Variants in SFTPB observed in about 807,000 individuals in gnomAD.
SFTPB encodes surfactant protein B.
A neutral mutation model predicts 51.0 loss-of-function variants in SFTPB; 32 were observed. The observed-to-expected ratio is 0.63, with a 90% CI of 0.47 to 0.84. SFTPB has a LOEUF of 0.84. SFTPB is among the 40% of genes least tolerant of loss of function. SFTPB has a pLI of 0.00. For synonymous variants in SFTPB, 211 were observed against 208.5 expected (o/e 1.01, Z -0.10); for missense variants, 431 against 491.2 (o/e 0.88, Z 1.16).
In SFTPB at chr2:85,663,479, C is replaced by T. The variant is rs45504597; in HGVS notation, c.869G>A (p.Gly290Glu). ...CTCAGAGTCTCGCGGCAGCCATTCTCCTGTCGGCGACCCTGGAGATGTGAG... is the reference window on the plus strand; with the variant it reads ...CTCAGAGTCTCGCGGCAGCCATTCTTCTGTCGGCGACCCTGGAGATGTGAG... ...DDSAGPRSPT[G>E]EWLPRDSECH... Residue 290 changes from glycine (G) to glutamate (E), a missense_variant, in exon 8 of 11, where the codon GGA (glycine) becomes GAA (glutamate). Gly to Glu is a moderately conservative substitution (Grantham distance 98). Transcript: ENST00000519937. 1.5e-4 allele frequency: 238 copies of T among 1,613,896 alleles called. No homozygotes were observed. In the African/African-American group the frequency reaches 2.8e-3, roughly 19 times the overall value.
intron 5 of SFTPB, 95 bp downstream of exon 5, chr2:85,665,511 G>A (rs1317330382): frequency 4.0e-6 from 6 of 1,493,602 alleles, no homozygotes; most frequent in East Asian, 4.5e-5. Flanking sequence ...TCACCTTCCC[G>A]GCTCTGCCTC....
rs35370284 is a variant in SFTPB, at chr2:85,667,911, A to C, written c.68-105T>G. The C allele has an allele frequency of 2.1e-4, 320 of 1,518,904 alleles. 2 individuals carry two copies. The highest frequency in any genetic ancestry group is 4.3e-5 in the Non-Finnish European group (48 of 1,109,900). 94.1% of individuals were successfully genotyped at this position (1,518,904 alleles called of 1,614,324 possible). A position where few individuals can be genotyped will look rare whatever the true frequency, so the allele number is the denominator to read the frequency against. ...CCAGTTTTGCTGGGAGTGTGAGGCC[A>C]TTAAACATGTGGACGTCAGACAGCT... On this transcript the variant is annotated intron_variant, in intron 1 of 10. Coordinates refer to ENST00000519937, the MANE Select transcript of SFTPB (RefSeq NM_000542.5).
At chr2:85,667,298 C>T (rs1677699701) in intron 2 of SFTPB, 121 bp from the exon 3 acceptor site, 2 of 771,460 alleles carry the variant, frequency 2.6e-6, no homozygotes, top group Admixed American at 1.9e-5. Flanking sequence ...AGCTGCCCAC[C>T]AGCCCAACTT....
chr2:85,666,835 C>T, intron 3 of SFTPB, 93 bp from the exon 4 acceptor site: 2 of 1,540,910 alleles, frequency 1.3e-6, no homozygotes, highest in Admixed American at 1.7e-5. Context: ...CAGACTGACC[C>T]CTAATCCCCC....
Position 85,663,800 on chromosome 2 carries a change from C to G in SFTPB, c.720G>C (p.Leu240=). ...AVAQVCRVVP[L]VAGGICQCLA... is the part of the protein sequence containing the mutation. ...GGCACTGGCAGATGCCGCCCGCCACCAGAGGTACCACGCGGCACACCTGGG... is the reference window on the plus strand; with the variant it reads ...GGCACTGGCAGATGCCGCCCGCCACGAGAGGTACCACGCGGCACACCTGGG... The change falls in exon 7 of 11, where the codon CTG becomes CTC. Residue 240 remains leucine (L), a synonymous_variant. Coordinates refer to ENST00000519937, the MANE Select transcript of SFTPB (RefSeq NM_000542.5). The G allele has an allele frequency of 6.2e-7, 1 of 1,602,464 alleles. No individual in the cohort carries two copies. The highest frequency in any genetic ancestry group is 2.3e-5 in the East Asian group (1 of 44,310).
chr2:85,666,596 A>AG (rs1558577646), intron 4 of SFTPB, 21 bp downstream of exon 4: 1 of 1,611,642 alleles, frequency 6.2e-7, no homozygotes, highest in Admixed American at 1.7e-5. Context: ...GGCAGGCAGG[A>AG]GGTGAGCTTG....
rs755860183 is a variant in SFTPB, at chr2:85,666,611, C to T, written c.393+6G>A. On this transcript the variant is annotated splice_donor_region_variant and intron_variant, in intron 4 of 10. Coordinates refer to ENST00000519937, the MANE Select transcript of SFTPB (RefSeq NM_000542.5). The stretch of plus-strand genomic sequence containing the variant: ...GGCAGGCAGGAGGTGAGCTTGCAGC[C>T]CTCACAGTCTGGTTCTGGAAGTAGT... The T allele has an allele frequency of 1.2e-6, 2 of 1,613,158 alleles. No individual in the cohort carries two copies. The highest frequency in any genetic ancestry group is 1.3e-5 in the African/African-American group (1 of 74,826).
chr2:85,668,077 G>T (rs922965113), intron 1 of SFTPB, 40 bp downstream of exon 1: 3 of 1,472,894 alleles, frequency 2.0e-6, no homozygotes, highest in Non-Finnish European at 1.9e-6. Flanking sequence ...TCAGTGAGTG[G>T]TGGAGCTGCC....
intron 7 of SFTPB, 77 bp from the exon 8 acceptor site, chr2:85,663,568 A>G: frequency 6.3e-7 from 1 of 1,598,262 alleles, no homozygotes; most frequent in Non-Finnish European, 8.5e-7. Context: ...TCCTTGGTGC[A>G]TTGCAGTGGG....
chr2:85,665,725 C>T lies in SFTPB; in HGVS notation c.463G>A (p.Gly155Arg). Residue 155 changes from glycine (G) to arginine (R), a missense_variant, in exon 5 of 11, where the codon GGG becomes AGG. By Grantham distance (125) the Gly-to-Arg change is moderately radical. Transcript: ENST00000519937. ...SRQPEPEQEP[G>R]MSDPLPKPLR... ...GGTTTGGGCAGGGGGTCTGACATCC[C>T]TGGCTCCTGCTCTGGCTCTGGCTGC... The T allele has an allele frequency of 6.2e-7, 1 of 1,614,226 alleles. No homozygotes were observed. Among genetic ancestry groups the T allele is most frequent in the Non-Finnish European group, 8.5e-7 (1 of 1,180,038 alleles).
chr2:85,663,966 G>T, intron 6 of SFTPB, 119 bp from the exon 7 acceptor site: 3 of 969,998 alleles, frequency 3.1e-6, no homozygotes, highest in Non-Finnish European at 3.1e-6. Flanking sequence ...AGAAGGGAGG[G>T]CAAGGCTATT....
chr2:85,661,687 C>T lies in SFTPB; in HGVS notation c.1084-152G>A, dbSNP rs576208643. The T allele has an allele frequency of 1.1e-4, 74 of 683,114 alleles. 1 individual carries two copies. The South Asian group carries it at 1.3e-3, about 12-fold the overall frequency. 42.3% of individuals were successfully genotyped at this position (683,114 alleles called of 1,614,324 possible). On this transcript the variant is annotated intron_variant, in intron 9 of 10. Transcript: ENST00000519937. ...ACCCCTCGGGCCACTCCCTGAGCCA[C>T]AGGCCTTAGGGTTTAGAGCCTGAGG...
intron 6 of SFTPB, among the ~76,000 whole-genome samples, chr2:85,664,897 G>A (rs1240399881): frequency 6.6e-6 from 1 of 152,246 alleles, no homozygotes; most frequent in Non-Finnish European, 1.5e-5. Flanking sequence ...CTCAGGCAAG[G>A]ATGGGGAATC....
chr2:85,666,785 C>A lies in SFTPB; in HGVS notation c.268-43G>T. ...GCCGTCAGCTGGGCCTCTCTGAGGTCTACCCCGCCCAAGTCCCTGGACACA... is the reference window on the plus strand; with the variant it reads ...GCCGTCAGCTGGGCCTCTCTGAGGTATACCCCGCCCAAGTCCCTGGACACA... On this transcript the variant is annotated intron_variant, in intron 3 of 10. Transcript: ENST00000519937. 3 of 1,612,806 alleles carry A rather than the reference C, an allele frequency of 1.9e-6. No individual in the cohort carries two copies. In the South Asian group the frequency reaches 3.3e-5, roughly 18 times the overall value.
intron 3 of SFTPB, 90 bp from the exon 4 acceptor site, chr2:85,666,832 AC>A: frequency 4.5e-6 from 7 of 1,550,052 alleles, no homozygotes; most frequent in African/African-American, 1.4e-5. Flanking sequence ...GGGCAGACTG[AC>A]CCCTAATCCC....
Position 85,661,476 on chromosome 2 carries a change from A to G in SFTPB, c.1143T>C (p.Leu381=), listed in dbSNP as rs1281741196. Residue 381 remains leucine (L), a synonymous_variant, in exon 10 of 11, where the codon CTT becomes CTC. Coordinates refer to ENST00000519937, the MANE Select transcript of SFTPB (RefSeq NM_000542.5). ...CACCTGGACAGCTGAGTTCTCATCA[A>G]AGGTCGGGGCTGTGGATACACTGGA... The part of the protein sequence containing the change: ...SPLQCIHSPD[L] 1 of 1,610,960 alleles carries G rather than the reference A, an allele frequency of 6.2e-7. No homozygotes were observed. Among genetic ancestry groups the G allele is most frequent in the Admixed American group, 1.7e-5 (1 of 59,648 alleles).
intron 10 of SFTPB, 118 bp downstream of exon 10, chr2:85,661,336 G>T: frequency 4.2e-6 from 3 of 709,656 alleles, no homozygotes; most frequent in Non-Finnish European, 7.4e-6. Context: ...TGAGAGGGAG[G>T]ATGGAGCAGC....
At chr2:85,667,545 A>C in intron 2 of SFTPB, 134 bp downstream of exon 2, 821 of 979,208 alleles carry the variant, frequency 8.4e-4, no homozygotes, top group Non-Finnish European at 1.2e-3. Context: ...ATTTTATCCT[A>C]TCTCATTTCA....
At chr2:85,666,358 G>A (rs1284453722) in intron 4 of SFTPB, among the ~76,000 whole-genome samples, 17 of 138,112 alleles carry the variant, frequency 1.2e-4, no homozygotes, top group African/African-American at 3.4e-4. Context: ...TGGATAGGGT[G>A]CTGTGTGTGT....
Sources: gnomAD v4.1 joint callset for allele counts (sites outside exome capture counted in the v4.1 genomes callset) on GRCh38, gnomAD v4.1.1 for gene constraint, MANE v1.5 for transcripts, NCBI Gene and HGNC (gene_info 2026-07-23, HGNC 2026-07-21) for gene names.